The following GLCE variants were observed in gnomAD, a reference collection of about 807,000 sequenced individuals.
GLCE encodes D-glucuronyl C5-epimerase.
GLCE carries 19 observed loss-of-function variants against 47.9 expected under a neutral mutation model. The observed-to-expected ratio is 0.40, with a 90% CI of 0.28 to 0.58. The LOEUF (loss-of-function observed/expected upper bound fraction) is 0.58, where lower values mean the gene tolerates loss of function less well. GLCE is among the 20% of genes least tolerant of loss of function. The probability of loss-of-function intolerance (pLI) is 0.48; values close to 1 mark genes in which losing one functional copy is unlikely to be tolerated. For missense variants in GLCE, 556 were observed against 743.3 expected (o/e 0.75, Z 2.93); for synonymous variants, 245 against 263.4 (o/e 0.93, Z 0.68).
At chr15:69,264,154 C>G (rs2053052562) in intron 4 of GLCE, among the ~76,000 whole-genome samples, 1 of 152,082 alleles carries the variant, frequency 6.6e-6, no homozygotes, top group African/African-American at 2.4e-5. Flanking sequence ...TGATCAACAT[C>G]TCCCCATTTT....
chr15:69,231,509 T>G (rs935058925), intron 2 of GLCE, among the ~76,000 whole-genome samples: 1 of 151,930 alleles, frequency 6.6e-6, no homozygotes, highest in African/African-American at 2.4e-5. Context: ...GGTCTCGATT[T>G]CCTGATCTCG....
chr15:69,181,550 G>T (rs961004456), intron 1 of GLCE, among the ~76,000 whole-genome samples: 1 of 152,156 alleles, frequency 6.6e-6, no homozygotes. Context: ...GTCAGATGCT[G>T]CTCATAGTTC....
intron 4 of GLCE, among the ~76,000 whole-genome samples, chr15:69,262,684 C>T (rs954763172): frequency 2.6e-5 from 4 of 152,152 alleles, no homozygotes; most frequent in African/African-American, 9.7e-5. Flanking sequence ...TCCTTAGCCC[C>T]TCATTCTGTA....
At chr15:69,253,378 T>TC (rs925109092) in intron 2 of GLCE, among the ~76,000 whole-genome samples, 3 of 152,204 alleles carry the variant, frequency 2.0e-5, no homozygotes, top group African/African-American at 7.2e-5. Context: ...CACACAGAGC[T>TC]CCCTCTTTTT....
chr15:69,258,006 T>A (rs2052953552), intron 3 of GLCE, among the ~76,000 whole-genome samples: 2 of 151,992 alleles, frequency 1.3e-5, no homozygotes, highest in African/African-American at 4.8e-5. Flanking sequence ...ATTTTATTTT[T>A]AATTTTTAAG....
chr15:69,192,724 T>C (rs1379409696), intron 1 of GLCE, among the ~76,000 whole-genome samples: 1 of 152,142 alleles, frequency 6.6e-6, no homozygotes, highest in Non-Finnish European at 1.5e-5. Flanking sequence ...TTTCAAAGCT[T>C]ATTTTTATGC....
intron 1 of GLCE, among the ~76,000 whole-genome samples, chr15:69,209,851 C>T (rs1016519959): frequency 2.0e-5 from 3 of 152,126 alleles, no homozygotes; most frequent in African/African-American, 7.2e-5. Context: ...CTTGGGACCA[C>T]AGCTTCTGTG....
chr15:69,205,402 A>G (rs1244572918), intron 1 of GLCE, among the ~76,000 whole-genome samples: 5 of 152,114 alleles, frequency 3.3e-5, no homozygotes, highest in African/African-American at 1.2e-4. Context: ...TATTAATTGG[A>G]GGACATTTGA....
At chr15:69,178,028 G>A (rs1226958020) in intron 1 of GLCE, among the ~76,000 whole-genome samples, 1 of 152,140 alleles carries the variant, frequency 6.6e-6, no homozygotes, top group Admixed American at 6.5e-5. Context: ...GTTATTTACA[G>A]TTTTATTTAC....
At chr15:69,182,339 G>A (rs1320322303) in intron 1 of GLCE, among the ~76,000 whole-genome samples, 1 of 150,908 alleles carries the variant, frequency 6.6e-6, no homozygotes, top group Non-Finnish European at 1.5e-5. Flanking sequence ...CCAGCCACAT[G>A]CAGCTGTGTA....
intron 1 of GLCE, chr15:69,197,573 A>T (rs77398583): frequency 0.011 from 1,755 of 154,824 alleles, 27 homozygotes; most frequent in African/African-American, 0.038. Flanking sequence ...TATTTCAAGG[A>T]CGGAATTATT....
chr15:69,209,365 G>A (rs1566956509), intron 1 of GLCE, among the ~76,000 whole-genome samples: 1 of 151,986 alleles, frequency 6.6e-6, no homozygotes, highest in Non-Finnish European at 1.5e-5. Flanking sequence ...AGGAGACGTT[G>A]GGTCTTGTTT....
chr15:69,217,327 A>C (rs891884588), intron 2 of GLCE, among the ~76,000 whole-genome samples: 7 of 151,648 alleles, frequency 4.6e-5, no homozygotes. Context: ...CCTTATTCCT[A>C]GAAATGTAAA....
intron 1 of GLCE, among the ~76,000 whole-genome samples, chr15:69,189,760 C>T (rs1259871790): frequency 6.6e-6 from 1 of 152,066 alleles, no homozygotes; most frequent in Non-Finnish European, 1.5e-5. Context: ...GTGTACTTCC[C>T]TTCAGAAGAG....
chr15:69,212,706 G>A (rs1042010183), intron 2 of GLCE, among the ~76,000 whole-genome samples: 4 of 151,954 alleles, frequency 2.6e-5, no homozygotes, highest in Non-Finnish European at 2.9e-5. Flanking sequence ...CCATATTACC[G>A]CATAGCTGTT....
chr15:69,257,718 T>C (rs1352703444), intron 3 of GLCE, among the ~76,000 whole-genome samples: 2 of 152,026 alleles, frequency 1.3e-5, no homozygotes, highest in African/African-American at 2.4e-5. Flanking sequence ...AATATAATTA[T>C]TATTATTTTT....
intron 1 of GLCE, among the ~76,000 whole-genome samples, chr15:69,173,708 A>G (rs2051620408): frequency 6.6e-6 from 1 of 152,134 alleles, no homozygotes; most frequent in Non-Finnish European, 1.5e-5. Context: ...AATTTTCTTC[A>G]TTGGTTGTAA....
At chr15:69,226,990 C>G (rs901067748) in intron 2 of GLCE, among the ~76,000 whole-genome samples, 1 of 152,038 alleles carries the variant, frequency 6.6e-6, no homozygotes, top group African/African-American at 2.4e-5. Context: ...GATGATCCAC[C>G]TGCCTCGGCC....
chr15:69,181,917 A>C (rs1396383809), intron 1 of GLCE, among the ~76,000 whole-genome samples: 3 of 151,876 alleles, frequency 2.0e-5, no homozygotes, highest in African/African-American at 7.3e-5. Flanking sequence ...GTAAGTAAAA[A>C]GGTTGGGTCT....
Sources: gnomAD v4.1 joint callset for allele counts (sites outside exome capture counted in the v4.1 genomes callset) on GRCh38, gnomAD v4.1.1 for gene constraint, MANE v1.5 for transcripts, NCBI Gene and HGNC (gene_info 2026-07-23, HGNC 2026-07-21) for gene names.